RYR3: variants seen among roughly 807,000 people sequenced by gnomAD.
RYR3 encodes the protein ryanodine receptor 3.
In RYR3, 207 loss-of-function variants were observed where a neutral mutation model predicts 584.3. That is an observed-to-expected ratio of 0.35 (90% CI 0.32 to 0.40). The LOEUF (loss-of-function observed/expected upper bound fraction) is 0.40. Among genes scored for constraint, RYR3 ranks in the 10% least tolerant of loss-of-function variants. The probability of loss-of-function intolerance (pLI) is 1.00; values close to 1 mark genes in which losing one functional copy is unlikely to be tolerated. For synonymous variants in RYR3, 2,416 were observed against 2,248.5 expected, an observed-to-expected ratio of 1.07 and a Z score of -2.11; for missense variants, 5,616 against 6,089.2, an observed-to-expected ratio of 0.92 and a Z score of 2.59.
At chr15:33,671,507 C>G (rs1254512423) in intron 38 of RYR3, among the ~76,000 whole-genome samples, 1 of 152,136 alleles carries the variant, frequency 6.6e-6, no homozygotes, top group African/African-American at 2.4e-5. Context: ...CAGAATATCT[C>G]TGAAGGGAAC....
In RYR3 at chr15:33,837,952, G is replaced by A. The variant is rs1391997940; in HGVS notation, c.11972G>A (p.Gly3991Glu). ...TTCCATGAGCCAGCCAAGGACATAG[G>A]GTTTAATGTGGCTGTGTTATTGACA... ...DRFHEPAKDI[G>E]FNVAVLLTNL... Residue 3991 changes from glycine (G) to glutamate (E), a missense_variant, in exon 89 of 104, where the codon GGG becomes GAG. Transcript: ENST00000634891. 6.2e-7 allele frequency: 1 copy of A among 1,613,976 alleles called. No individual in the cohort carries two copies. Among genetic ancestry groups the A allele is most frequent in the Non-Finnish European group, 8.5e-7 (1 of 1,179,898 alleles).
At chr15:33,424,940 A>C (rs2044498747) in intron 1 of RYR3, among the ~76,000 whole-genome samples, 1 of 152,108 alleles carries the variant, frequency 6.6e-6, no homozygotes, top group Non-Finnish European at 1.5e-5. Flanking sequence ...TTTGAAAAAC[A>C]AGAAGAAGAA....
chr15:33,377,660 A>G (rs1477860499), intron 1 of RYR3, among the ~76,000 whole-genome samples: 1 of 152,242 alleles, frequency 6.6e-6, no homozygotes, highest in African/African-American at 2.4e-5. Flanking sequence ...TACTGAATAC[A>G]TAGGTGACCT....
At chr15:33,768,587 G>A in intron 60 of RYR3, 71 bp from the exon 61 acceptor site, 1 of 1,295,028 alleles carries the variant, frequency 7.7e-7, no homozygotes. Flanking sequence ...AAGGGACATT[G>A]GGGTGGGGGA....
At chr15:33,398,845 G>C (rs1349327144) in intron 1 of RYR3, among the ~76,000 whole-genome samples, 1 of 152,184 alleles carries the variant, frequency 6.6e-6, no homozygotes, top group Non-Finnish European at 1.5e-5. Context: ...CGTTCACATG[G>C]CGAGCTGAGC....
At chr15:33,698,063 A>G in intron 40 of RYR3, 67 bp downstream of exon 40, 1 of 1,059,638 alleles carries the variant, frequency 9.4e-7, no homozygotes, top group Non-Finnish European at 1.5e-6. Flanking sequence ...TGACTTGTTC[A>G]GAGCCACGTG....
intron 3 of RYR3, among the ~76,000 whole-genome samples, chr15:33,504,050 C>A (rs2052245989): frequency 6.6e-6 from 1 of 152,182 alleles, no homozygotes; most frequent in Non-Finnish European, 1.5e-5. Flanking sequence ...CTGAGAGGGT[C>A]TTGAGATTGA....
intron 1 of RYR3, among the ~76,000 whole-genome samples, chr15:33,435,181 C>T (rs1247750948): frequency 6.6e-6 from 1 of 152,150 alleles, no homozygotes; most frequent in East Asian, 1.9e-4. Flanking sequence ...ATTTGTATCA[C>T]TAGGGCTTGT....
At chr15:33,853,116 G>C (rs374893100) in intron 95 of RYR3, 29 bp downstream of exon 95, 40 of 1,543,592 alleles carry the variant, frequency 2.6e-5, no homozygotes, top group Non-Finnish European at 3.3e-5. Context: ...GGTGAGTTCC[G>C]TGATCACCAA....
At position 33,622,259 on chromosome 15, in the gene RYR3, A is replaced by T. The variant is rs147900723; in HGVS notation, c.2358-1548A>T. 2.7e-3 allele frequency among the ~76,000 whole-genome samples: 409 copies of T among 152,294 alleles called. 4 individuals are homozygous for T. Among genetic ancestry groups the T allele is most frequent in the African/African-American group, 9.3e-3 (386 of 41,562 alleles). On this transcript the variant is annotated intron_variant, in intron 19 of 103. Coordinates refer to ENST00000634891, the MANE Select transcript of RYR3 (RefSeq NM_001036.6). Reference sequence around the variant, plus strand: ...TGATACAGCCCTACCACTCGGGCTCATGGTGTTCTCACCCACGCCACCCTC... The same window carrying T: ...TGATACAGCCCTACCACTCGGGCTCTTGGTGTTCTCACCCACGCCACCCTC...
At chr15:33,547,877 G>A (rs977018281) in intron 8 of RYR3, among the ~76,000 whole-genome samples, 20 of 152,134 alleles carry the variant, frequency 1.3e-4, no homozygotes, top group African/African-American at 4.8e-4. Flanking sequence ...CCTTTCCCTT[G>A]TATACCTGAT....
chr15:33,612,386 G>A (rs2060239677), intron 18 of RYR3, among the ~76,000 whole-genome samples: 1 of 152,150 alleles, frequency 6.6e-6, no homozygotes, highest in Non-Finnish European at 1.5e-5. Context: ...TTGAGATGGA[G>A]TTTCACTCTT....
At chr15:33,369,725 G>A (rs188686688) in intron 1 of RYR3, among the ~76,000 whole-genome samples, 2 of 152,276 alleles carry the variant, frequency 1.3e-5, no homozygotes, top group East Asian at 3.9e-4. Flanking sequence ...CTGAATATGA[G>A]ACACCCAGCA....
At chr15:33,496,104 C>T (rs147351116) in intron 2 of RYR3, among the ~76,000 whole-genome samples, 5 of 152,266 alleles carry the variant, frequency 3.3e-5, no homozygotes, top group African/African-American at 4.8e-5. Context: ...TTTCTAGAGG[C>T]GATAGTGGTT....
intron 1 of RYR3, among the ~76,000 whole-genome samples, chr15:33,420,774 G>T (rs1319410771): frequency 2.0e-5 from 3 of 152,028 alleles, no homozygotes; most frequent in Non-Finnish European, 4.4e-5. Context: ...TTCTGATAAG[G>T]CCCCTTGATG....
At chr15:33,433,459 G>T (rs2045379242) in intron 1 of RYR3, among the ~76,000 whole-genome samples, 1 of 151,804 alleles carries the variant, frequency 6.6e-6, no homozygotes, top group Admixed American at 6.5e-5. Flanking sequence ...GGTATTGTGT[G>T]CTGGACATAT....
chr15:33,789,653 TATATA>T (rs1269341927), intron 67 of RYR3, among the ~76,000 whole-genome samples: 4 of 29,500 alleles, frequency 1.4e-4, no homozygotes, highest in African/African-American at 4.9e-4. Context: ...TATATATATA[TATATA>T]TTTTTTTTTT....
chr15:33,456,968 A>G (rs1048109620), intron 1 of RYR3, among the ~76,000 whole-genome samples: 7 of 152,212 alleles, frequency 4.6e-5, no homozygotes, highest in Non-Finnish European at 1.0e-4. Flanking sequence ...CTGCATAATG[A>G]CTAGAATTTT....
chr15:33,605,397 G>T (rs186542710), intron 18 of RYR3, among the ~76,000 whole-genome samples: 9 of 152,296 alleles, frequency 5.9e-5, no homozygotes, highest in Admixed American at 5.9e-4. Flanking sequence ...AAGGAAGCTG[G>T]GTGCTCCAGG....
Sources: allele counts gnomAD v4.1 joint callset (sites outside exome capture counted in the v4.1 genomes callset), GRCh38; gene constraint gnomAD v4.1.1; transcripts MANE v1.5; gene names NCBI Gene and HGNC (gene_info 2026-07-23, HGNC 2026-07-21).